The following THOC7 variants were observed in gnomAD, a reference collection of about 807,000 sequenced individuals.
The protein encoded by THOC7 is THO complex subunit 7.
THOC7 carries 22 observed loss-of-function variants against 33.1 expected under a neutral mutation model. That is an observed-to-expected ratio of 0.66 (90% CI 0.47 to 0.95). The LOEUF (loss-of-function observed/expected upper bound fraction) is 0.95, where lower values mean the gene tolerates loss of function less well. THOC7 is among the 40% of genes least tolerant of loss of function. The pLI is 0.00. For synonymous variants in THOC7, 77 were observed against 76.8 expected (o/e 1.00, Z -0.01); for missense variants, 184 against 245.3 (o/e 0.75, Z 1.67).
intron 2 of THOC7, among the ~76,000 whole-genome samples, chr3:63,838,721 GTTC>G (rs141638744): frequency 0.027 from 4,079 of 152,174 alleles, 87 homozygotes; most frequent in South Asian, 0.051. Context: ...TGGGATTGTT[GTTC>G]TTATCAATGC....
At position 63,836,323 on chromosome 3, in the gene THOC7, G is replaced by C; in HGVS notation, c.388C>G (p.Pro130Ala). 1.2e-6 allele frequency: 2 copies of C among 1,612,688 alleles called. No individual in the cohort carries two copies. Among genetic ancestry groups the C allele is most frequent in the Admixed American group, 1.7e-5 (1 of 59,976 alleles). ...DALAKVIQHH[P>A]DRHETLKELE... ...TACTTTAATGTCTCATGCCTGTCTG[G>C]ATGGTGCTGAATCACTTTTGCCAAA... is the stretch of plus-strand genomic sequence containing the variant. The change falls in exon 5 of 8, where the codon CCA becomes GCA. Residue 130 changes from proline (P) to alanine (A), a missense_variant. By Grantham distance (27) the Pro-to-Ala change is conservative. Around this residue, in one of 3 missense-constraint regions of THOC7, gnomAD observed 157 missense variants for 201.3 expected, o/e 0.78. Coordinates refer to ENST00000295899, the MANE Select transcript of THOC7 (RefSeq NM_025075.4).
chr3:63,843,044 T>A (rs1313071661), intron 1 of THOC7, among the ~76,000 whole-genome samples: 2 of 151,688 alleles, frequency 1.3e-5, no homozygotes, highest in African/African-American at 2.4e-5. Context: ...TGCCTCAACC[T>A]CCCAAGTGCT....
chr3:63,843,850 G>A (rs1369226806), intron 1 of THOC7, among the ~76,000 whole-genome samples: 1 of 151,838 alleles, frequency 6.6e-6, no homozygotes, highest in Non-Finnish European at 1.5e-5. Context: ...GCAGTGAACC[G>A]AGATCACGCC....
At chr3:63,841,213 G>A (rs560939834) in intron 1 of THOC7, among the ~76,000 whole-genome samples, 25 of 152,276 alleles carry the variant, frequency 1.6e-4, no homozygotes, top group African/African-American at 2.4e-4. Context: ...GAGGCTTTGC[G>A]TGTGTGCATG....
At position 63,839,870 on chromosome 3, in the gene THOC7, T is replaced by C. The variant is rs151214081; in HGVS notation, c.20-97A>G. The C allele has an allele frequency of 1.2e-5, 12 of 987,326 alleles. No homozygotes were observed. The African/African-American group carries it at 1.3e-4, about 11-fold the overall frequency. 61.2% of individuals were successfully genotyped at this position (987,326 alleles called of 1,614,324 possible). The stretch of plus-strand genomic sequence containing the variant: ...TTCATTTGTTTATTCAAAAGAAAAT[T>C]ATTGAAATGTAAATGCATTTAATGC... On this transcript the variant is annotated intron_variant, in intron 1 of 7. Coordinates refer to ENST00000295899, the MANE Select transcript of THOC7 (RefSeq NM_025075.4).
intron 1 of THOC7, among the ~76,000 whole-genome samples, chr3:63,845,484 C>A (rs1701872209): frequency 6.6e-6 from 1 of 152,202 alleles, no homozygotes; most frequent in African/African-American, 2.4e-5. Flanking sequence ...GTGCGTTACA[C>A]TCTCTGTGGC....
Position 63,837,886 on chromosome 3 carries a change from C to T in THOC7, c.352+90G>A. ...TTTTTTTAATCCAGGTTGATTCAGG[C>T]TGCAGATTTTACCTCACAACATTAA... On this transcript the variant is annotated intron_variant, in intron 4 of 7. Transcript: ENST00000295899. 3 of 1,131,180 alleles carry T rather than the reference C, an allele frequency of 2.7e-6. No individual in the cohort carries two copies. The South Asian group carries it at 4.9e-5, about 19-fold the overall frequency. The allele number at this position is 1,131,180 out of a possible 1,614,324, so 70.1% of individuals were successfully genotyped here.
rs963327863 is a variant in THOC7 at position 63,838,571 on chromosome 3, C to A, written c.138-72G>T. The A allele has an allele frequency of 5.1e-6, 7 of 1,385,162 alleles. No homozygotes were observed. In the African/African-American group the frequency reaches 9.1e-5, roughly 18 times the overall value. 85.8% of individuals were successfully genotyped at this position (1,385,162 alleles called of 1,614,324 possible). ...CAAAAGTGAACTGTTATAATGCAGACAAATATTTGCTAATTAAATTATAGC... is the reference window on the plus strand; with the variant it reads ...CAAAAGTGAACTGTTATAATGCAGAAAAATATTTGCTAATTAAATTATAGC... On this transcript the variant is annotated intron_variant, in intron 2 of 7. Coordinates refer to ENST00000295899, the MANE Select transcript of THOC7 (RefSeq NM_025075.4).
At chr3:63,853,285 T>C (rs1377971871) in intron 1 of THOC7, among the ~76,000 whole-genome samples, 1 of 151,812 alleles carries the variant, frequency 6.6e-6, no homozygotes, top group Non-Finnish European at 1.5e-5. Flanking sequence ...GTGGCACCAC[T>C]AGTTCTGGCA....
intron 1 of THOC7, chr3:63,863,463 C>T (rs1011190124): frequency 4.8e-5 from 56 of 1,154,734 alleles, no homozygotes; most frequent in Admixed American, 3.3e-4. Flanking sequence ...TCTCGGCCAC[C>T]CACGTGTGTT....
chr3:63,853,883 G>A (rs1169292768), intron 1 of THOC7, among the ~76,000 whole-genome samples: 1 of 151,350 alleles, frequency 6.6e-6, no homozygotes, highest in East Asian at 1.9e-4. Flanking sequence ...ACTCCAGGCT[G>A]GGTGACAAAG....
intron 1 of THOC7, among the ~76,000 whole-genome samples, chr3:63,855,809 T>C (rs999966238): frequency 2.0e-5 from 3 of 152,216 alleles, no homozygotes; most frequent in African/African-American, 7.2e-5. Context: ...TCCTGTGATC[T>C]ACCAGTGAGG....
chr3:63,840,309 A>T (rs1290198995), intron 1 of THOC7, among the ~76,000 whole-genome samples: 1 of 152,174 alleles, frequency 6.6e-6, no homozygotes, highest in Non-Finnish European at 1.5e-5. Context: ...GTGAGGGAAA[A>T]AGGAATGGAT....
At chr3:63,858,802 C>T (rs1702157030) in intron 1 of THOC7, among the ~76,000 whole-genome samples, 1 of 152,192 alleles carries the variant, frequency 6.6e-6, no homozygotes, top group Non-Finnish European at 1.5e-5. Context: ...GACTGCAAGT[C>T]ACTAACTTCC....
intron 1 of THOC7, among the ~76,000 whole-genome samples, chr3:63,845,371 A>G (rs1179232051): frequency 1.3e-5 from 2 of 152,172 alleles, no homozygotes; most frequent in African/African-American, 4.8e-5. Flanking sequence ...GTGATATCTC[A>G]TGCATGATGC....
intron 5 of THOC7, among the ~76,000 whole-genome samples, chr3:63,835,782 A>G (rs1701619782): frequency 6.6e-6 from 1 of 152,062 alleles, no homozygotes; most frequent in Admixed American, 6.6e-5. Context: ...GGGCCTTTTT[A>G]TCTCCTCTAC....
At chr3:63,858,518 C>T (rs1278331445) in intron 1 of THOC7, among the ~76,000 whole-genome samples, 1 of 152,114 alleles carries the variant, frequency 6.6e-6, no homozygotes, top group Non-Finnish European at 1.5e-5. Flanking sequence ...TGTAGAGCCA[C>T]ATTCCACCCC....
In THOC7 at chr3:63,839,716, C is replaced by A; in HGVS notation, c.77G>T (p.Arg26Ile). ...IDGDGAGDDR[R>I]INLLVKSFIK... Reference sequence around the variant, plus strand: ...GAAACTCTTCACTAGCAGATTAATTCTCCGATCATCTCCAGCACCATCTCC... The same window carrying A: ...GAAACTCTTCACTAGCAGATTAATTATCCGATCATCTCCAGCACCATCTCC... Residue 26 changes from arginine (R) to isoleucine (I), a missense_variant, in exon 2 of 8, where the codon AGA becomes ATA. By Grantham distance (97) the Arg-to-Ile change is moderately conservative. This residue lies in a region of THOC7 where 157 missense variants were observed against 201.3 expected (regional missense o/e 0.78). Coordinates refer to ENST00000295899, the MANE Select transcript of THOC7 (RefSeq NM_025075.4). The A allele has an allele frequency of 1.9e-6, 3 of 1,612,994 alleles. No individual in the cohort carries two copies. The highest frequency in any genetic ancestry group is 2.5e-6 in the Non-Finnish European group (3 of 1,179,972).
chr3:63,835,734 G>A (rs755466396), intron 5 of THOC7, among the ~76,000 whole-genome samples: 47 of 151,930 alleles, frequency 3.1e-4, no homozygotes, highest in African/African-American at 1.4e-4. Context: ...CAATTAACTC[G>A]AAATACCCTT....
Sources: gnomAD v4.1 joint callset for allele counts (sites outside exome capture counted in the v4.1 genomes callset) on GRCh38, gnomAD v4.1.1 for gene constraint, gnomAD v4.1.1 regional missense constraint, MANE v1.5 for transcripts, NCBI Gene and HGNC (gene_info 2026-07-23, HGNC 2026-07-21) for gene names.